SPAG9: variants seen among roughly 807,000 people sequenced by gnomAD.
The protein encoded by SPAG9 is C-Jun-amino-terminal kinase-interacting protein 4.
SPAG9 carries 35 observed loss-of-function variants against 166.5 expected under a neutral mutation model. The observed-to-expected ratio is 0.21, with a 90% CI of 0.16 to 0.28. SPAG9 has a LOEUF of 0.28. SPAG9 is among the 10% of genes least tolerant of loss of function. The pLI is 1.00. For missense variants in SPAG9, 1,235 were observed against 1,603.3 expected (o/e 0.77, Z 3.92); for synonymous variants, 534 against 565.5 (o/e 0.94, Z 0.79).
At chr17:51,112,671 C>CAAA (rs1206604151) in intron 1 of SPAG9, among the ~76,000 whole-genome samples, 1,266 of 41,370 alleles carry the variant, frequency 0.031, 200 homozygotes, top group East Asian at 0.22. Flanking sequence ...TCTGTCTCAA[C>CAAA]AAAAAAAAAA....
chr17:51,047,748 T>C (rs976261926), intron 3 of SPAG9, among the ~76,000 whole-genome samples: 37 of 150,260 alleles, frequency 2.5e-4, no homozygotes, highest in Non-Finnish European at 4.3e-4. Context: ...GTGATGCTAT[T>C]AAAATAATAT....
chr17:51,051,230 T>A (rs1568042059), intron 3 of SPAG9, among the ~76,000 whole-genome samples: 1 of 152,096 alleles, frequency 6.6e-6, no homozygotes, highest in Non-Finnish European at 1.5e-5. Flanking sequence ...TGACTCAGCC[T>A]CCCAGGTAGC....
At position 51,028,693 on chromosome 17, in the gene SPAG9, C is replaced by T. The variant is rs371219650; in HGVS notation, c.783+2988G>A. 5.6e-3 allele frequency among the ~76,000 whole-genome samples: 849 copies of T among 152,224 alleles called. 5 individuals carry two copies. Among genetic ancestry groups the T allele is most frequent in the African/African-American group, 0.019 (784 of 41,534 alleles). ...CTCAGAATGTATCTCTGTTGTTAAG[C>T]GACACATGACTATGTATGCAAACAA... On this transcript the variant is annotated intron_variant, in intron 6 of 29. Transcript: ENST00000262013.
intron 10 of SPAG9, among the ~76,000 whole-genome samples, chr17:51,007,020 T>C (rs1022006689): frequency 7.9e-5 from 12 of 151,996 alleles, no homozygotes; most frequent in African/African-American, 2.7e-4. Context: ...TGGATACTTA[T>C]AGAGTGAAAA....
At chr17:51,011,405 C>T (rs1330500457) in intron 9 of SPAG9, among the ~76,000 whole-genome samples, 8 of 144,152 alleles carry the variant, frequency 5.5e-5, no homozygotes, top group East Asian at 2.0e-4. Context: ...TTTTTTGAGA[C>T]GGAGTTTTGC....
intron 1 of SPAG9, among the ~76,000 whole-genome samples, chr17:51,087,313 G>C (rs1055390609): frequency 1.3e-5 from 2 of 152,164 alleles, no homozygotes; most frequent in African/African-American, 4.8e-5. Flanking sequence ...GCAATCATGT[G>C]AAAGTGGGAA....
At chr17:51,046,755 C>G in intron 4 of SPAG9, 4 of 1,535,330 alleles carry the variant, frequency 2.6e-6, no homozygotes, top group Non-Finnish European at 3.5e-6. Context: ...ATTCAGCTTG[C>G]TGCCACAAAA....
intron 6 of SPAG9, among the ~76,000 whole-genome samples, chr17:51,022,631 C>CTAATAA (rs57083539): frequency 0.022 from 3,214 of 148,200 alleles, 50 homozygotes; most frequent in Non-Finnish European, 0.027. Context: ...GCCACCACCA[C>CTAATAA]TAATAATAAT....
intron 2 of SPAG9, among the ~76,000 whole-genome samples, chr17:51,059,931 C>G (rs1441437306): frequency 6.6e-6 from 1 of 152,020 alleles, no homozygotes; most frequent in East Asian, 1.9e-4. Context: ...TCTTTGTTCC[C>G]TACATTCTCA....
Position 50,970,704 on chromosome 17 carries a change from T to C in SPAG9, c.3850+3A>G, listed in dbSNP as rs1973720404. 1.2e-6 allele frequency: 2 copies of C among 1,608,746 alleles called. No individual in the cohort carries two copies. Among genetic ancestry groups the C allele is most frequent in the African/African-American group, 1.3e-5 (1 of 74,594 alleles). On this transcript the variant is annotated splice_donor_region_variant and intron_variant, in intron 29 of 29. Coordinates refer to ENST00000262013, the MANE Select transcript of SPAG9 (RefSeq NM_001130528.3). ...AACTGAGCACCCAGAACCAATGACA[T>C]ACCCATTCGGAAGTCGATGTAGCCC...
chr17:51,007,286 T>C lies in SPAG9; in HGVS notation c.1254A>G (p.Thr418=), dbSNP rs781368477. 34 of 1,579,870 alleles carry C rather than the reference T, an allele frequency of 2.2e-5. No individual in the cohort carries two copies. The South Asian group carries it at 3.3e-4, about 16-fold the overall frequency. ...REVENLILEN[T]QLLETKNALN... ...ATACTTACTTGGTTTCCAACAGTTG[T>C]GTATTTTCTAATATAAGATTCTCAA... Residue 418 remains threonine, a synonymous_variant, in exon 10 of 30, where the codon ACA becomes ACG. Coordinates refer to ENST00000262013, the MANE Select transcript of SPAG9 (RefSeq NM_001130528.3).
chr17:51,111,804 T>C (rs1204261530), intron 1 of SPAG9, among the ~76,000 whole-genome samples: 3 of 152,114 alleles, frequency 2.0e-5, no homozygotes, highest in African/African-American at 7.2e-5. Flanking sequence ...GGTTTCACCA[T>C]GTTGGTCAGG....
intron 8 of SPAG9, 140 bp downstream of exon 8, chr17:51,020,019 A>T: frequency 1.6e-6 from 1 of 610,474 alleles, no homozygotes; most frequent in Non-Finnish European, 2.9e-6. Flanking sequence ...GTCCAGTTTC[A>T]AGAATAGGAA....
chr17:51,022,840 C>G (rs957089308), intron 6 of SPAG9, among the ~76,000 whole-genome samples: 3 of 150,898 alleles, frequency 2.0e-5, no homozygotes, highest in African/African-American at 7.3e-5. Flanking sequence ...ATTCCAGCTA[C>G]TCGGGAGGCT....
chr17:51,005,888 T>G (rs182365579), intron 11 of SPAG9, among the ~76,000 whole-genome samples, 197 bp downstream of exon 11: 1 of 152,168 alleles, frequency 6.6e-6, no homozygotes, highest in South Asian at 2.1e-4. Flanking sequence ...GACAATAATA[T>G]TTAGATGACA....
chr17:50,982,367 T>C (rs1285703532), intron 25 of SPAG9, among the ~76,000 whole-genome samples, 157 bp downstream of exon 25: 3 of 152,190 alleles, frequency 2.0e-5, no homozygotes, highest in Non-Finnish European at 4.4e-5. Context: ...GAGAGTTAAG[T>C]AACACAGAAA....
chr17:51,054,439 T>C (rs2047302286), intron 3 of SPAG9, among the ~76,000 whole-genome samples: 1 of 148,506 alleles, frequency 6.7e-6, no homozygotes, highest in African/African-American at 2.5e-5. Context: ...TGGGTTTTTT[T>C]GGCTTTTTTT....
chr17:51,095,479 C>G (rs888797261), intron 1 of SPAG9, among the ~76,000 whole-genome samples: 3 of 150,916 alleles, frequency 2.0e-5, no homozygotes, highest in Admixed American at 1.3e-4. Flanking sequence ...GATGAAACCC[C>G]TTCTCTACTG....
intron 29 of SPAG9, among the ~76,000 whole-genome samples, chr17:50,968,657 G>C (rs1973538502): frequency 6.6e-6 from 1 of 152,084 alleles, no homozygotes; most frequent in African/African-American, 2.4e-5. Flanking sequence ...CTTGAAACCG[G>C]GAGGTGGAGG....
Sources: gnomAD v4.1 joint callset for allele counts (sites outside exome capture counted in the v4.1 genomes callset) on GRCh38, gnomAD v4.1.1 for gene constraint, MANE v1.5 for transcripts, NCBI Gene and HGNC (gene_info 2026-07-23, HGNC 2026-07-21) for gene names.